Variants in IQSEC2 observed in about 807,000 individuals in gnomAD.
The protein encoded by IQSEC2 is IQ motif and SEC7 domain-containing protein 2.
Under a neutral mutation model 74.6 loss-of-function variants are expected in IQSEC2, and 6 were observed. The ratio of observed to expected loss-of-function variants is 0.08; its 90% CI spans 0.04 to 0.16. The LOEUF (loss-of-function observed/expected upper bound fraction) is 0.16, where lower values mean the gene tolerates loss of function less well. Ranked by LOEUF, IQSEC2 falls within the 10% of genes least tolerant of loss-of-function variation. IQSEC2 has a pLI of 1.00. For missense variants in IQSEC2, 734 were observed against 1,306.2 expected, an observed-to-expected ratio of 0.56 and a Z score of 6.75; for synonymous variants, 494 against 544.5, an observed-to-expected ratio of 0.91 and a Z score of 1.29.
intron 1 of IQSEC2, among the ~76,000 whole-genome samples, chrX:53,312,913 AC>A (rs2075335174): frequency 8.9e-6 from 1 of 112,144 alleles, no homozygotes. Context: ...CAGTCCTATC[AC>A]TCCTTTAAAA....
intron 12 of IQSEC2, among the ~76,000 whole-genome samples, 159 bp from the exon 13 acceptor site, chrX:53,236,654 G>A (rs1556859797): frequency 3.6e-5 from 4 of 110,264 alleles, no homozygotes; most frequent in Non-Finnish European, 3.8e-5. Flanking sequence ...ACCAGCCCTT[G>A]TCTCCCCCAA....
chrX:53,254,348 A>G (rs983908729), intron 4 of IQSEC2, among the ~76,000 whole-genome samples, 182 bp downstream of exon 4: 4 of 90,787 alleles, frequency 4.4e-5, no homozygotes, highest in South Asian at 9.2e-4. Context: ...AAAAAAAAAA[A>G]GGTAATTTCT....
At chrX:53,296,748 G>C (rs1231439369) in intron 1 of IQSEC2, among the ~76,000 whole-genome samples, 1 of 110,447 alleles carries the variant, frequency 9.1e-6, no homozygotes, top group African/African-American at 3.3e-5. Flanking sequence ...GTTTTGTAAA[G>C]ACAGGGCTTC....
chrX:53,321,010 T>C lies in IQSEC2; in HGVS notation c.114A>G (p.Glu38=). ...GCTCCTCGATGCGCCGCCGCTGGGTTTCCAGCAGCTGCTGCTGGCTCTCGA... is the reference window on the plus strand; with the variant it reads ...GCTCCTCGATGCGCCGCCGCTGGGTCTCCAGCAGCTGCTGCTGGCTCTCGA... ...NIIESQQQLL[E]TQRRRIEELE... The change falls in exon 1 of 15, where the codon GAA becomes GAG. Residue 38 remains glutamate (E), a synonymous_variant. Coordinates refer to ENST00000642864, the MANE Select transcript of IQSEC2 (RefSeq NM_001111125.3). 1 of 1,156,617 alleles carries C rather than the reference T, an allele frequency of 8.6e-7. No individual in the cohort carries two copies. Among genetic ancestry groups the C allele is most frequent in the Non-Finnish European group, 1.1e-6 (1 of 870,988 alleles).
intron 2 of IQSEC2, among the ~76,000 whole-genome samples, chrX:53,273,012 C>T (rs892749270): frequency 3.6e-5 from 4 of 111,104 alleles, no homozygotes; most frequent in Non-Finnish European, 5.7e-5. Context: ...TGGCATTAGC[C>T]GCATTACATA....
At chrX:53,282,597 C>T (rs1032748148) in intron 2 of IQSEC2, among the ~76,000 whole-genome samples, 1 of 112,146 alleles carries the variant, frequency 8.9e-6, no homozygotes, top group African/African-American at 3.2e-5. Context: ...AGGCAACAGG[C>T]CAGCCTTCCT....
At position 53,235,155 on chromosome X, in the gene IQSEC2, G is replaced by A; in HGVS notation, c.3531C>T (p.His1177=). Residue 1177 remains histidine (H), a synonymous_variant, in exon 15 of 15, where the codon CAC becomes CAT. Transcript: ENST00000642864. ...GTGGGGGCGGAGGTGGCATCCTCTG[G>A]TGAGGGCGTGGACTGCTAATAACAG... The part of the protein sequence containing the change: ...EGSVISSPRP[H]QRMPPPPPPP... 8.6e-7 allele frequency: 1 copy of A among 1,163,123 alleles called. No individual in the cohort carries two copies. The highest frequency in any genetic ancestry group is 3.2e-4 in the Middle Eastern group (1 of 3,115).
chrX:53,248,060 A>T, intron 7 of IQSEC2, 54 bp downstream of exon 7: 1 of 1,194,071 alleles, frequency 8.4e-7, no homozygotes. Context: ...AACACATACT[A>T]CGTCGATGCC....
chrX:53,267,137 G>C (rs1213223134), intron 2 of IQSEC2: 1 of 1,096,356 alleles, frequency 9.1e-7, no homozygotes, highest in Non-Finnish European at 1.2e-6. Context: ...TTAGTTTGCA[G>C]AGCAGGGGAG....
chrX:53,281,916 A>T (rs1015180327), intron 2 of IQSEC2, among the ~76,000 whole-genome samples: 1 of 111,829 alleles, frequency 8.9e-6, no homozygotes, highest in African/African-American at 3.3e-5. Flanking sequence ...CAAGATCAAG[A>T]CCCGGTTTGG....
At chrX:53,303,901 C>T (rs1162165118) in intron 1 of IQSEC2, among the ~76,000 whole-genome samples, 12 of 109,697 alleles carry the variant, frequency 1.1e-4, no homozygotes, top group Admixed American at 5.8e-4. Context: ...GAGGCTGAGG[C>T]GGGTGGATCA....
intron 2 of IQSEC2, among the ~76,000 whole-genome samples, chrX:53,288,184 G>A (rs996534630): frequency 2.2e-4 from 25 of 111,585 alleles, no homozygotes; most frequent in African/African-American, 8.2e-4. Flanking sequence ...TGTGGATGGG[G>A]GAGCCACAGA....
chrX:53,310,593 A>G (rs2075312125), intron 1 of IQSEC2, among the ~76,000 whole-genome samples: 2 of 110,718 alleles, frequency 1.8e-5, no homozygotes, highest in Admixed American at 1.9e-4. Flanking sequence ...ATCGAGCCTC[A>G]AAACAAAGAC....
At chrX:53,293,352 GC>G (rs782715390) in intron 1 of IQSEC2, among the ~76,000 whole-genome samples, 2 of 112,170 alleles carry the variant, frequency 1.8e-5, no homozygotes, top group Admixed American at 1.9e-4. Flanking sequence ...GTGAGGCTCA[GC>G]CTAGCACAGT....
chrX:53,279,347 C>T, intron 2 of IQSEC2: 2 of 406,194 alleles, frequency 4.9e-6, no homozygotes, highest in Non-Finnish European at 8.6e-6. Context: ...TGGGGCAGGT[C>T]TCTAGGGAAG....
At chrX:53,304,983 A>G (rs782746580) in intron 1 of IQSEC2, among the ~76,000 whole-genome samples, 5 of 110,356 alleles carry the variant, frequency 4.5e-5, no homozygotes, top group Non-Finnish European at 9.5e-5. Context: ...CAGTGGTGCA[A>G]TCTCGGCTCA....
chrX:53,291,704 C>T lies in IQSEC2; in HGVS notation c.737+191G>A, dbSNP rs60784175. On this transcript the variant is annotated intron_variant, in intron 2 of 14. Transcript: ENST00000642864. ...AAAGACTAAGGAACAGTCTTGAACC[C>T]CCTCCCCACAGCTGCCACATCCCCC... 7.1e-3 allele frequency among the ~76,000 whole-genome samples: 788 copies of T among 110,792 alleles called. 5 individuals are homozygous for T. Among genetic ancestry groups the T allele is most frequent in the African/African-American group, 0.024 (727 of 30,440 alleles).
At chrX:53,285,526 G>A (rs1322660504) in intron 2 of IQSEC2, among the ~76,000 whole-genome samples, 2 of 112,345 alleles carry the variant, frequency 1.8e-5, no homozygotes, top group Admixed American at 1.9e-4. Flanking sequence ...AAGATAATGT[G>A]TCTCCAGTGC....
At chrX:53,303,028 C>T (rs2075226226) in intron 1 of IQSEC2, among the ~76,000 whole-genome samples, 1 of 110,702 alleles carries the variant, frequency 9.0e-6, no homozygotes, top group African/African-American at 3.3e-5. Context: ...CACAGGGAGA[C>T]CCTGTCCCTA....
Sources: allele counts gnomAD v4.1 joint callset (sites outside exome capture counted in the v4.1 genomes callset), GRCh38; gene constraint gnomAD v4.1.1; transcripts MANE v1.5; gene names NCBI Gene and HGNC (gene_info 2026-07-23, HGNC 2026-07-21).